Variants in IFNAR1 observed in about 807,000 individuals in gnomAD.
IFNAR1 encodes the protein interferon alpha and beta receptor subunit 1, also known as interferon alpha/beta receptor 1.
In IFNAR1, 47 loss-of-function variants were observed where a neutral mutation model predicts 62.1. The observed-to-expected ratio is 0.76, with a 90% CI of 0.60 to 0.97. The LOEUF is 0.97. IFNAR1 is among the 50% of genes least tolerant of loss of function. IFNAR1 has a pLI of 0.00. For missense variants in IFNAR1, 638 were observed against 654.5 expected, an observed-to-expected ratio of 0.97 and a Z score of 0.27; for synonymous variants, 219 against 226.9, an observed-to-expected ratio of 0.97 and a Z score of 0.31.
intron 2 of IFNAR1, among the ~76,000 whole-genome samples, chr21:33,337,566 T>G (rs1414372715): frequency 2.6e-5 from 4 of 152,186 alleles, no homozygotes; most frequent in Non-Finnish European, 5.9e-5. Flanking sequence ...AACTGGCATA[T>G]GAATCTCACA....
intron 1 of IFNAR1, among the ~76,000 whole-genome samples, chr21:33,327,409 AGCAGT>A (rs1407044594): frequency 6.6e-6 from 1 of 152,180 alleles, no homozygotes; most frequent in Non-Finnish European, 1.5e-5. Context: ...AAGCTTTCAG[AGCAGT>A]GTAGATACTG....
intron 2 of IFNAR1, among the ~76,000 whole-genome samples, chr21:33,337,517 TCAGCCA>T (rs1485579118): frequency 6.6e-6 from 1 of 152,076 alleles, no homozygotes; most frequent in Admixed American, 6.5e-5. Flanking sequence ...GCCCACCACT[TCAGCCA>T]CAGCTGTGAC....
At position 33,349,462 on chromosome 21, in the gene IFNAR1, A is replaced by C. The variant is rs2083380436; in HGVS notation, c.1062A>C (p.Lys354Asn). 6.2e-7 allele frequency: 1 copy of C among 1,611,676 alleles called. No homozygotes were observed. The highest frequency in any genetic ancestry group is 1.7e-5 in the Admixed American group (1 of 59,956). ...DSFHIYIGAP[K>N]QSGNTPVIQD... Reference sequence around the variant, plus strand: ...TCCATATCTATATCGGTGCTCCAAAACAGTCTGGAAACACGCCTGTGATCC... The same window carrying C: ...TCCATATCTATATCGGTGCTCCAAACCAGTCTGGAAACACGCCTGTGATCC... The change falls in exon 8 of 11, where the codon AAA becomes AAC. Residue 354 changes from lysine (K) to asparagine (N), a missense_variant. Coordinates refer to ENST00000270139, the MANE Select transcript of IFNAR1 (RefSeq NM_000629.3).
intron 8 of IFNAR1, among the ~76,000 whole-genome samples, chr21:33,351,767 TTGG>T (rs948653135): frequency 1.3e-5 from 2 of 151,858 alleles, no homozygotes; most frequent in Non-Finnish European, 2.9e-5. Context: ...CCAGGCTTTT[TTGG>T]TGGTGGTGGT....
rs1261461345 is a variant in IFNAR1, at chr21:33,341,138, T to C, written c.340T>C (p.Trp114Arg). The C allele has an allele frequency of 1.9e-6, 3 of 1,613,086 alleles. No individual in the cohort carries two copies. The highest frequency in any genetic ancestry group is 1.1e-5 in the South Asian group (1 of 90,972). ...IRAEKENTSS[W>R]YEVDSFTPFR... ...AGCAGAAAAAGAAAACACTTCTTCA[T>C]GGTATGAGGTTGACTCATTTACACC... Residue 114 changes from tryptophan to arginine, a missense_variant, in exon 3 of 11, where the codon TGG becomes CGG. Transcript: ENST00000270139.
rs567427029 is a variant in IFNAR1 at position 33,356,105 on chromosome 21, A to G, written c.*556A>G. 6.6e-6 allele frequency: 1 copy of G among 152,324 alleles called. No homozygotes were observed. Among genetic ancestry groups the G allele is most frequent in the African/African-American group, 2.4e-5 (1 of 41,566 alleles). The allele number at this position is 152,324 out of a possible 1,614,324, so 9.4% of individuals were successfully genotyped here. On this transcript the variant is annotated 3_prime_UTR_variant, in exon 11 of 11. Coordinates refer to ENST00000270139, the MANE Select transcript of IFNAR1 (RefSeq NM_000629.3). ...AAGCCTGTCACCGGACTTGCATTGG[A>G]TGAGATGAGTCAGACCAAAACAGTG...
At chr21:33,341,857 T>A (rs1982368719) in intron 3 of IFNAR1, among the ~76,000 whole-genome samples, 1 of 152,082 alleles carries the variant, frequency 6.6e-6, no homozygotes, top group Non-Finnish European at 1.5e-5. Context: ...AATTTTGTAT[T>A]TTTAGTAGAG....
At chr21:33,354,413 T>C (rs1045315467) in intron 10 of IFNAR1, among the ~76,000 whole-genome samples, 3 of 152,226 alleles carry the variant, frequency 2.0e-5, no homozygotes, top group African/African-American at 7.2e-5. Flanking sequence ...CTGTTTCAAT[T>C]TGTGATGCGT....
At chr21:33,351,547 A>AT (rs1246623789) in intron 8 of IFNAR1, among the ~76,000 whole-genome samples, 66 of 136,002 alleles carry the variant, frequency 4.9e-4, no homozygotes, top group African/African-American at 1.9e-3. Context: ...ATTTTATTTT[A>AT]TTTTATTTTT....
At chr21:33,348,406 ATAGCCCCAAGAGCT>A (rs2083368974) in intron 6 of IFNAR1, among the ~76,000 whole-genome samples, 1 of 152,244 alleles carries the variant, frequency 6.6e-6, no homozygotes, top group Non-Finnish European at 1.5e-5. Context: ...ATAGATAAAG[ATAGCCCCAAGAGCT>A]TAGAAAATAA....
At chr21:33,339,549 CT>C (rs1448903571) in intron 2 of IFNAR1, among the ~76,000 whole-genome samples, 1 of 152,100 alleles carries the variant, frequency 6.6e-6, no homozygotes, top group Non-Finnish European at 1.5e-5. Flanking sequence ...ATGAATTAGG[CT>C]TGACAAAAAT....
At chr21:33,334,079 CAAAG>C (rs941170807) in intron 1 of IFNAR1, among the ~76,000 whole-genome samples, 10 of 151,678 alleles carry the variant, frequency 6.6e-5, no homozygotes, top group South Asian at 4.2e-4. Context: ...TAAAAACAGA[CAAAG>C]AAGGTTATTA....
At chr21:33,352,160 A>G (rs2083404254) in intron 8 of IFNAR1, among the ~76,000 whole-genome samples, 1 of 151,974 alleles carries the variant, frequency 6.6e-6, no homozygotes, top group Admixed American at 6.6e-5. Context: ...CCTACTCTTA[A>G]CCATTCTGTC....
intron 1 of IFNAR1, chr21:33,335,058 GGGAGGAAGCCA>G: frequency 8.6e-7 from 1 of 1,159,590 alleles, no homozygotes; most frequent in South Asian, 1.2e-5. Context: ...GAGTACTGCA[GGGAGGAAGCCA>G]GCACTTGATT....
chr21:33,324,891 CGG>C, upstream of IFNAR1: 1 of 281,850 alleles, frequency 3.5e-6, no homozygotes, highest in Non-Finnish European at 6.1e-6. Flanking sequence ...CGCGGAGGGG[CGG>C]TGTGTGTGTC....
At chr21:33,344,622 A>T (rs1210194195) in intron 5 of IFNAR1, among the ~76,000 whole-genome samples, 1 of 152,038 alleles carries the variant, frequency 6.6e-6, no homozygotes, top group Non-Finnish European at 1.5e-5. Context: ...TTGTTTTTTA[A>T]AATTACAAAA....
In IFNAR1 at chr21:33,331,411, T is replaced by A. The variant is rs144142526; in HGVS notation, c.77-4113T>A. Among the ~76,000 whole-genome samples the A allele has an allele frequency of 4.7e-3, 711 of 152,280 alleles. 7 individuals carry two copies. Among genetic ancestry groups the A allele is most frequent in the African/African-American group, 0.016 (663 of 41,552 alleles). ...CCTGGCCAAACCGAGCAGCTATGCATCCCAGGGCTGAGCTGATGTAGTATC... is the reference window on the plus strand; with the variant it reads ...CCTGGCCAAACCGAGCAGCTATGCAACCCAGGGCTGAGCTGATGTAGTATC... On this transcript the variant is annotated intron_variant, in intron 1 of 10. Transcript: ENST00000270139.
chr21:33,342,626 C>G (rs1176983699), intron 3 of IFNAR1, among the ~76,000 whole-genome samples: 1 of 148,360 alleles, frequency 6.7e-6, no homozygotes, highest in Non-Finnish European at 1.5e-5. Context: ...GGGCAGATCA[C>G]GAGGTCAGGA....
rs574599303 is a variant in IFNAR1, at chr21:33,331,329, A to G, written c.77-4195A>G. Among the ~76,000 whole-genome samples, 35 of 152,238 alleles carry G rather than the reference A, an allele frequency of 2.3e-4. No individual in the cohort carries two copies. The South Asian group carries it at 7.3e-3, about 32-fold the overall frequency. Reference sequence around the variant, plus strand: ...AAACAGGGCCTGAACCACCCAGAGCAGTCACACTCCCCGGGCCTCAGCTGA... The same window carrying G: ...AAACAGGGCCTGAACCACCCAGAGCGGTCACACTCCCCGGGCCTCAGCTGA... On this transcript the variant is annotated intron_variant, in intron 1 of 10. Coordinates refer to ENST00000270139, the MANE Select transcript of IFNAR1 (RefSeq NM_000629.3).
Sources: allele counts gnomAD v4.1 joint callset (sites outside exome capture counted in the v4.1 genomes callset), GRCh38; gene constraint gnomAD v4.1.1; transcripts MANE v1.5; gene names NCBI Gene and HGNC (gene_info 2026-07-23, HGNC 2026-07-21).